The following CPED1 variants were observed in gnomAD, a reference collection of about 807,000 sequenced individuals.
CPED1 encodes cadherin like and PC-esterase domain containing 1, also known as cadherin-like and PC-esterase domain-containing protein 1.
CPED1 carries 114 observed loss-of-function variants against 128.2 expected under a neutral mutation model. That is an observed-to-expected ratio of 0.89 (90% CI 0.76 to 1.04). The LOEUF is 1.04. CPED1 is among the 50% of genes least tolerant of loss of function. The pLI is 0.00. For synonymous variants in CPED1, 462 were observed against 426.7 expected (o/e 1.08, Z -1.02); for missense variants, 1,211 against 1,207.1 (o/e 1.00, Z -0.05).
intron 16 of CPED1, among the ~76,000 whole-genome samples, chr7:121,156,932 A>C (rs1038926600): frequency 6.6e-6 from 1 of 152,256 alleles, no homozygotes; most frequent in Non-Finnish European, 1.5e-5. Context: ...AAGTGCTCCC[A>C]AGAAGCAGAG....
chr7:121,211,080 G>C (rs559147512), intron 16 of CPED1, among the ~76,000 whole-genome samples: 2 of 152,092 alleles, frequency 1.3e-5, no homozygotes, highest in East Asian at 3.9e-4. Flanking sequence ...TTTGGGAAAC[G>C]TATGACCTTT....
chr7:121,099,734 C>T (rs1223331337), intron 6 of CPED1, among the ~76,000 whole-genome samples, 192 bp from the exon 7 acceptor site: 8 of 152,146 alleles, frequency 5.3e-5, no homozygotes, highest in Admixed American at 5.2e-4. Context: ...CAATTTGACT[C>T]CTTCTCGCTG....
At chr7:121,048,612 T>A (rs1793274417) in intron 4 of CPED1, among the ~76,000 whole-genome samples, 1 of 152,202 alleles carries the variant, frequency 6.6e-6, no homozygotes, top group African/African-American at 2.4e-5. Context: ...TGATCTCACC[T>A]CACTGCAACC....
intron 11 of CPED1, 140 bp downstream of exon 11, chr7:121,128,626 A>T (rs1200858184): frequency 3.5e-6 from 2 of 579,520 alleles, no homozygotes; most frequent in African/African-American, 1.9e-5. Flanking sequence ...TTGCTCTTTC[A>T]GAGATCTAAG....
At chr7:120,997,249 T>C (rs995353289) in intron 2 of CPED1, among the ~76,000 whole-genome samples, 16 of 152,238 alleles carry the variant, frequency 1.1e-4, no homozygotes, top group African/African-American at 3.6e-4. Flanking sequence ...TATTTATAAA[T>C]GAAGGAACAT....
intron 16 of CPED1, among the ~76,000 whole-genome samples, chr7:121,209,994 C>A (rs1000088998): frequency 6.6e-6 from 1 of 151,814 alleles, no homozygotes; most frequent in African/African-American, 2.4e-5. Context: ...TCAAAATGGG[C>A]AAAAGATCTG....
intron 18 of CPED1, among the ~76,000 whole-genome samples, chr7:121,251,528 C>T (rs966263619): frequency 2.6e-5 from 4 of 152,172 alleles, no homozygotes; most frequent in Non-Finnish European, 5.9e-5. Flanking sequence ...GTCAAATTGT[C>T]CCTGTTTGCA....
chr7:121,215,113 T>A (rs1179812043), intron 16 of CPED1, among the ~76,000 whole-genome samples: 1 of 152,036 alleles, frequency 6.6e-6, no homozygotes, highest in African/African-American at 2.4e-5. Flanking sequence ...GTGTCTAATT[T>A]TCAACCATGT....
chr7:121,246,484 T>C (rs1251205546), intron 18 of CPED1, among the ~76,000 whole-genome samples: 1 of 152,198 alleles, frequency 6.6e-6, no homozygotes, highest in Non-Finnish European at 1.5e-5. Flanking sequence ...CTGGCTTCTG[T>C]TGACTGCCTT....
At chr7:121,162,505 T>G (rs1042883606) in intron 16 of CPED1, among the ~76,000 whole-genome samples, 1 of 152,288 alleles carries the variant, frequency 6.6e-6, no homozygotes, top group African/African-American at 2.4e-5. Context: ...AATGTGTGTG[T>G]GGGAGGAAGG....
chr7:121,163,365 T>C (rs1796453434), intron 16 of CPED1, among the ~76,000 whole-genome samples: 1 of 152,174 alleles, frequency 6.6e-6, no homozygotes, highest in African/African-American at 2.4e-5. Flanking sequence ...ATCTGGTAGC[T>C]TACAGAATTG....
At chr7:121,145,042 C>T (rs866856049) in intron 16 of CPED1, among the ~76,000 whole-genome samples, 2 of 139,224 alleles carry the variant, frequency 1.4e-5, no homozygotes, top group South Asian at 2.4e-4. Flanking sequence ...TAACTAGGTG[C>T]TATATAGATA....
At chr7:121,260,057 G>A (rs1212420913) in intron 18 of CPED1, among the ~76,000 whole-genome samples, 1 of 151,826 alleles carries the variant, frequency 6.6e-6, no homozygotes, top group African/African-American at 2.4e-5. Flanking sequence ...TAAGGAAAGA[G>A]TGCACCTCAC....
rs538317136 is a variant in CPED1, at chr7:121,045,337, T to G, written c.434-1550T>G. On this transcript the variant is annotated intron_variant, in intron 3 of 22. Transcript: ENST00000310396. Reference sequence around the variant, plus strand: ...ACAGAGAAGTTCTAGGATAAGAGCTTGAGTTCAATTGCCTGGATTCCTTGT... The same window carrying G: ...ACAGAGAAGTTCTAGGATAAGAGCTGGAGTTCAATTGCCTGGATTCCTTGT... 5.3e-5 allele frequency among the ~76,000 whole-genome samples: 8 copies of G among 152,306 alleles called. No individual in the cohort carries two copies. In the East Asian group the frequency reaches 1.5e-3, roughly 29 times the overall value.
chr7:121,015,566 A>G (rs1792279099), intron 2 of CPED1, 99 bp from the exon 3 acceptor site: 2 of 1,110,324 alleles, frequency 1.8e-6, no homozygotes, highest in African/African-American at 3.3e-5. Flanking sequence ...GAAAAACTTT[A>G]GAATAACTTC....
At chr7:121,020,578 T>C (rs1373030128) in intron 3 of CPED1, among the ~76,000 whole-genome samples, 1 of 152,014 alleles carries the variant, frequency 6.6e-6, no homozygotes, top group East Asian at 1.9e-4. Flanking sequence ...CTGAGATGTT[T>C]CATTTTTTAA....
At chr7:121,027,181 C>T (rs566865649) in intron 3 of CPED1, among the ~76,000 whole-genome samples, 1 of 151,992 alleles carries the variant, frequency 6.6e-6, no homozygotes, top group South Asian at 2.1e-4. Flanking sequence ...TGAAATCCCC[C>T]CTCAATTCTT....
At chr7:120,993,281 A>G (rs1796338817) in intron 2 of CPED1, among the ~76,000 whole-genome samples, 2 of 152,196 alleles carry the variant, frequency 1.3e-5, no homozygotes, top group South Asian at 4.1e-4. Context: ...ATGAAAGAAA[A>G]TCTCCTTAAT....
intron 3 of CPED1, among the ~76,000 whole-genome samples, chr7:121,020,540 A>T (rs935617271): frequency 1.3e-5 from 2 of 151,998 alleles, no homozygotes; most frequent in Non-Finnish European, 2.9e-5. Flanking sequence ...ACTTGATGTC[A>T]TACCAAGTTG....
Sources: allele counts gnomAD v4.1 joint callset (sites outside exome capture counted in the v4.1 genomes callset), GRCh38; gene constraint gnomAD v4.1.1; transcripts MANE v1.5; gene names NCBI Gene and HGNC (gene_info 2026-07-23, HGNC 2026-07-21).